PTCHD4: variants seen among roughly 807,000 people sequenced by gnomAD.
PTCHD4 encodes patched domain-containing protein 4.
In PTCHD4, 33 loss-of-function variants were observed where a neutral mutation model predicts 58.1. The ratio of observed to expected loss-of-function variants is 0.57; its 90% CI spans 0.43 to 0.76. The LOEUF (loss-of-function observed/expected upper bound fraction) is 0.76, where lower values mean the gene tolerates loss of function less well. Ranked by LOEUF, PTCHD4 falls within the 30% of genes least tolerant of loss-of-function variation. The pLI is 0.00. For synonymous variants in PTCHD4, 478 were observed against 409.6 expected, an observed-to-expected ratio of 1.17 and a Z score of -2.02; for missense variants, 1,058 against 1,027.1, an observed-to-expected ratio of 1.03 and a Z score of -0.41.
intron 4 of PTCHD4, among the ~76,000 whole-genome samples, chr6:48,001,406 C>T (rs937083441): frequency 1.3e-5 from 2 of 152,142 alleles, no homozygotes; most frequent in Admixed American, 6.5e-5. Flanking sequence ...GGTACCAAAA[C>T]AGAGATATAG....
chr6:48,022,178 C>A (rs1474143522), intron 3 of PTCHD4, among the ~76,000 whole-genome samples: 1 of 151,576 alleles, frequency 6.6e-6, no homozygotes, highest in African/African-American at 2.4e-5. Context: ...TTCTCCCTCT[C>A]CTCTTCTTTC....
intron 3 of PTCHD4, among the ~76,000 whole-genome samples, chr6:48,057,123 G>A (rs1352256415): frequency 6.6e-6 from 1 of 152,068 alleles, no homozygotes; most frequent in African/African-American, 2.4e-5. Flanking sequence ...CCACATGGGT[G>A]CTGTGTACAG....
At chr6:48,055,410 A>G (rs1305973283) in intron 3 of PTCHD4, among the ~76,000 whole-genome samples, 1 of 152,156 alleles carries the variant, frequency 6.6e-6, no homozygotes, top group Admixed American at 6.5e-5. Context: ...TTACCAAAAT[A>G]TTTTTCAATC....
At chr6:47,978,277 C>T (rs1305522043) in intron 4 of PTCHD4, among the ~76,000 whole-genome samples, 1 of 152,126 alleles carries the variant, frequency 6.6e-6, no homozygotes, top group East Asian at 1.9e-4. Context: ...AACACTACTA[C>T]TATTACTGCT....
chr6:47,995,876 T>G (rs1431961972), intron 4 of PTCHD4, among the ~76,000 whole-genome samples: 1 of 152,168 alleles, frequency 6.6e-6, no homozygotes, highest in African/African-American at 2.4e-5. Context: ...TGAAACACAT[T>G]TAGTTCATGT....
chr6:48,037,319 G>GAA (rs1763675461), intron 3 of PTCHD4, among the ~76,000 whole-genome samples: 1 of 152,050 alleles, frequency 6.6e-6, no homozygotes, highest in African/African-American at 2.4e-5. Context: ...GTATGTGTAG[G>GAA]AAAAAACAGT....
intron 4 of PTCHD4, among the ~76,000 whole-genome samples, chr6:47,927,924 ATTTCT>A (rs1181781396): frequency 6.6e-6 from 1 of 151,670 alleles, no homozygotes; most frequent in Non-Finnish European, 1.5e-5. Flanking sequence ...TACCCATCCT[ATTTCT>A]TATTTTTTGA....
intron 4 of PTCHD4, among the ~76,000 whole-genome samples, chr6:47,997,252 CT>C (rs974611122): frequency 5.3e-5 from 8 of 150,712 alleles, no homozygotes; most frequent in East Asian, 3.9e-4. Context: ...TCTCTTTTTT[CT>C]TTTTTTTTGT....
In PTCHD4 at chr6:47,877,779, G is replaced by A. The variant is rs1012065532; in HGVS notation, c.*524C>T. ...GACAAAACTAAGTATATGTATATAC[G>A]GGATATATACATATATATGTACACA... On this transcript the variant is annotated 3_prime_UTR_variant, in exon 5 of 5. Coordinates refer to ENST00000339488, the MANE Select transcript of PTCHD4 (RefSeq NM_001384253.1). Among the ~76,000 whole-genome samples, 3 of 151,900 alleles carry A rather than the reference G, an allele frequency of 2.0e-5. No individual in the cohort carries two copies. Among genetic ancestry groups the A allele is most frequent in the African/African-American group, 4.8e-5 (2 of 41,378 alleles).
chr6:47,989,504 C>G (rs972569546), intron 4 of PTCHD4, among the ~76,000 whole-genome samples: 1 of 152,108 alleles, frequency 6.6e-6, no homozygotes, highest in African/African-American at 2.4e-5. Context: ...GTCCAGGGTC[C>G]CTGTGCTGTG....
intron 4 of PTCHD4, among the ~76,000 whole-genome samples, chr6:47,892,960 A>G (rs1764423753): frequency 6.6e-6 from 1 of 152,198 alleles, no homozygotes; most frequent in Non-Finnish European, 1.5e-5. Flanking sequence ...AAATTAATCA[A>G]CCAGAACTTC....
At chr6:47,949,514 C>T (rs761197152) in intron 4 of PTCHD4, among the ~76,000 whole-genome samples, 7 of 152,206 alleles carry the variant, frequency 4.6e-5, no homozygotes, top group Middle Eastern at 3.4e-3. Flanking sequence ...AAGCCACAAG[C>T]GGGAAATCTG....
chr6:47,918,697 A>G (rs1242819576), intron 4 of PTCHD4, among the ~76,000 whole-genome samples: 1 of 152,186 alleles, frequency 6.6e-6, no homozygotes, highest in Non-Finnish European at 1.5e-5. Context: ...TTCAAATACT[A>G]TGGAAGAGAC....
At chr6:48,094,170 G>C (rs1474959720) in intron 1 of PTCHD4, among the ~76,000 whole-genome samples, 1 of 152,150 alleles carries the variant, frequency 6.6e-6, no homozygotes, top group African/African-American at 2.4e-5. Context: ...AGATAAAAAG[G>C]AATGTATTCT....
At chr6:47,944,786 C>T (rs1561970463) in intron 4 of PTCHD4, among the ~76,000 whole-genome samples, 1 of 152,116 alleles carries the variant, frequency 6.6e-6, no homozygotes, top group Non-Finnish European at 1.5e-5. Context: ...CTTTGCCAAA[C>T]ACTGAGTTAG....
intron 4 of PTCHD4, among the ~76,000 whole-genome samples, chr6:47,912,673 T>C (rs1434224841): frequency 6.6e-6 from 1 of 152,144 alleles, no homozygotes; most frequent in Non-Finnish European, 1.5e-5. Context: ...GGATCAATAA[T>C]TGATGAACTG....
chr6:48,008,221 T>C (rs1292825868), intron 4 of PTCHD4, among the ~76,000 whole-genome samples: 1 of 152,176 alleles, frequency 6.6e-6, no homozygotes, highest in Non-Finnish European at 1.5e-5. Flanking sequence ...GGACACATCA[T>C]TGGTCCTCAG....
intron 1 of PTCHD4, among the ~76,000 whole-genome samples, chr6:48,078,365 C>G (rs903841813): frequency 3.3e-5 from 5 of 152,216 alleles, no homozygotes; most frequent in African/African-American, 1.2e-4. Context: ...AAGATGGAAA[C>G]TGTAAAAATA....
In PTCHD4 at chr6:47,871,934, T is replaced by C. The variant is rs1353351123; in HGVS notation, c.*6369A>G. On this transcript the variant is annotated 3_prime_UTR_variant, in exon 5 of 5. Coordinates refer to ENST00000339488, the MANE Select transcript of PTCHD4 (RefSeq NM_001384253.1). ...AGTTTATCAGTTTGTAGCACATTTA[T>C]GTTTGTGAAGAAAAGATGCCAGAAT... Among the ~76,000 whole-genome samples the C allele has an allele frequency of 6.6e-6, 1 of 151,692 alleles. No individual in the cohort carries two copies. Among genetic ancestry groups the C allele is most frequent in the African/African-American group, 2.4e-5 (1 of 41,382 alleles).
Sources: gnomAD v4.1 joint callset for allele counts (sites outside exome capture counted in the v4.1 genomes callset) on GRCh38, gnomAD v4.1.1 for gene constraint, MANE v1.5 for transcripts, NCBI Gene and HGNC (gene_info 2026-07-23, HGNC 2026-07-21) for gene names.